PITPNA: variants seen among roughly 807,000 people sequenced by gnomAD.
The protein encoded by PITPNA is phosphatidylinositol transfer protein alpha, also known as phosphatidylinositol transfer protein alpha isoform.
In PITPNA, 13 loss-of-function variants were observed where a neutral mutation model predicts 50.3. That is an observed-to-expected ratio of 0.26 (90% CI 0.17 to 0.41). PITPNA has a LOEUF of 0.41. Ranked by LOEUF, PITPNA falls within the 10% of genes least tolerant of loss-of-function variation. The pLI, the probability that PITPNA is intolerant of heterozygous loss-of-function variation, is 1.00. For missense variants in PITPNA, 207 were observed against 333.4 expected (o/e 0.62, Z 2.95); for synonymous variants, 120 against 119.6 (o/e 1.00, Z -0.02).
At chr17:1,556,588 G>A (rs1276138689) in intron 2 of PITPNA, among the ~76,000 whole-genome samples, 1 of 152,088 alleles carries the variant, frequency 6.6e-6, no homozygotes, top group Non-Finnish European at 1.5e-5. Flanking sequence ...GTTCCATCAA[G>A]AAACTCCCTA....
At chr17:1,559,981 T>G (rs2075759737) in intron 1 of PITPNA, among the ~76,000 whole-genome samples, 2 of 152,104 alleles carry the variant, frequency 1.3e-5, no homozygotes, top group African/African-American at 4.8e-5. Context: ...AGAAGAAACT[T>G]CCTAGAAAAC....
At chr17:1,542,364 C>G (rs1362942065) in intron 5 of PITPNA, among the ~76,000 whole-genome samples, 1 of 152,208 alleles carries the variant, frequency 6.6e-6, no homozygotes, top group Non-Finnish European at 1.5e-5. Context: ...GCCCCTTTCC[C>G]TCCAACTAGC....
intron 10 of PITPNA, among the ~76,000 whole-genome samples, chr17:1,531,191 A>T (rs2075580524): frequency 6.6e-6 from 1 of 152,126 alleles, no homozygotes; most frequent in African/African-American, 2.4e-5. Context: ...CAATGAGCCC[A>T]CTGGGACCCT....
At chr17:1,553,986 T>C (rs1490022204) in intron 2 of PITPNA, among the ~76,000 whole-genome samples, 1 of 152,170 alleles carries the variant, frequency 6.6e-6, no homozygotes, top group Admixed American at 6.5e-5. Flanking sequence ...ACTTACTACA[T>C]GGCAAAAACC....
intron 3 of PITPNA, among the ~76,000 whole-genome samples, chr17:1,551,228 G>A (rs1036153292): frequency 4.6e-5 from 7 of 152,220 alleles, no homozygotes; most frequent in South Asian, 2.1e-4. Context: ...AGCTTCTCTT[G>A]TCACCATGGG....
chr17:1,527,920 G>A (rs900082266), intron 10 of PITPNA, among the ~76,000 whole-genome samples: 2 of 152,192 alleles, frequency 1.3e-5, no homozygotes, highest in South Asian at 2.1e-4. Context: ...GTTGGCCCAC[G>A]CCTACAATCC....
chr17:1,547,112 C>T (rs1331709673), intron 4 of PITPNA, among the ~76,000 whole-genome samples: 1 of 150,794 alleles, frequency 6.6e-6, no homozygotes, highest in Non-Finnish European at 1.5e-5. Flanking sequence ...GTAATGCCAG[C>T]ACTTTGGGAG....
intron 10 of PITPNA, among the ~76,000 whole-genome samples, chr17:1,529,763 G>T (rs1037380485): frequency 2.0e-5 from 3 of 151,660 alleles, no homozygotes; most frequent in African/African-American, 7.3e-5. Context: ...GCTGTGACAT[G>T]AGAATTGCTT....
At chr17:1,523,028 A>G (rs1410150715) in intron 10 of PITPNA, among the ~76,000 whole-genome samples, 2 of 152,162 alleles carry the variant, frequency 1.3e-5, no homozygotes, top group Non-Finnish European at 2.9e-5. Context: ...AACTAGGCAC[A>G]AGGATGCAGA....
intron 1 of PITPNA, among the ~76,000 whole-genome samples, chr17:1,561,809 C>CA (rs2075769639): frequency 6.6e-6 from 1 of 152,158 alleles, no homozygotes; most frequent in Non-Finnish European, 1.5e-5. Context: ...CACTTACCAC[C>CA]ACCCCTCACC....
intron 7 of PITPNA, 85 bp downstream of exon 7, chr17:1,538,784 G>A: frequency 1.3e-6 from 1 of 765,818 alleles, no homozygotes; most frequent in South Asian, 1.6e-5. Flanking sequence ...TTTGTGCCAA[G>A]TTGGGTATGG....
Position 1,562,593 on chromosome 17 carries a change from C to T in PITPNA, c.-33G>A, listed in dbSNP as rs2075774324. 7.9e-7 allele frequency: 1 copy of T among 1,261,600 alleles called. No individual in the cohort carries two copies. 78.2% of individuals were successfully genotyped at this position (1,261,600 alleles called of 1,614,324 possible). A position where few individuals can be genotyped will look rare whatever the true frequency, so the allele number is the denominator to read the frequency against. Reference sequence around the variant, plus strand: ...CGCGGCTCGGTGGCTGCCCGCGGCCCGCCCGGCCTCCCGCCCGCTGCCCGC... The same window carrying T: ...CGCGGCTCGGTGGCTGCCCGCGGCCTGCCCGGCCTCCCGCCCGCTGCCCGC... On this transcript the variant is annotated 5_prime_UTR_variant, in exon 1 of 12. Transcript: ENST00000313486. This position sits in a 1 kb window ranked among gnomAD's most constrained non-coding sequence, Gnocchi z 6.4.
chr17:1,537,554 TTCCCTCCAC>T (rs2075625382), intron 7 of PITPNA, among the ~76,000 whole-genome samples: 1 of 152,220 alleles, frequency 6.6e-6, no homozygotes, highest in Non-Finnish European at 1.5e-5. Flanking sequence ...CCATCACTGC[TTCCCTCCAC>T]TCACACAGAT....
chr17:1,527,669 T>C (rs1015939561), intron 10 of PITPNA, among the ~76,000 whole-genome samples: 2 of 152,234 alleles, frequency 1.3e-5, no homozygotes, highest in Admixed American at 1.3e-4. Context: ...TTTTTTTCTA[T>C]CTTTTGAAAA....
At chr17:1,538,778 T>C (rs2075632107) in intron 7 of PITPNA, 91 bp downstream of exon 7, 1 of 728,950 alleles carries the variant, frequency 1.4e-6, no homozygotes, top group Non-Finnish European at 2.4e-6. Flanking sequence ...TTTCCTTTTG[T>C]GCCAAGTTGG....
At chr17:1,546,989 T>A (rs2075678090) in intron 4 of PITPNA, among the ~76,000 whole-genome samples, 1 of 152,070 alleles carries the variant, frequency 6.6e-6, no homozygotes. Flanking sequence ...GCAGCTATTA[T>A]AAATTAAAAA....
intron 4 of PITPNA, 59 bp downstream of exon 4, chr17:1,548,237 G>A (rs2075688674): frequency 1.8e-6 from 2 of 1,126,698 alleles, no homozygotes; most frequent in African/African-American, 1.6e-5. Context: ...ACACGCAGGT[G>A]GGACCCACAG....
intron 10 of PITPNA, among the ~76,000 whole-genome samples, chr17:1,524,855 G>GA (rs138185873): frequency 0.15 from 22,405 of 149,498 alleles, 1,936 homozygotes; most frequent in African/African-American, 0.23. Context: ...TCTCAAAAAA[G>GA]AAAAAAAAAG....
chr17:1,521,430 T>G, intron 11 of PITPNA, 149 bp downstream of exon 11: 5 of 649,592 alleles, frequency 7.7e-6, no homozygotes, highest in Non-Finnish European at 1.1e-5. Flanking sequence ...AATCTCCTAG[T>G]GGAAGTGGAG....
Sources: allele counts gnomAD v4.1 joint callset (sites outside exome capture counted in the v4.1 genomes callset), GRCh38; gene constraint gnomAD v4.1.1; non-coding constraint Gnocchi (gnomAD v3.1); transcripts MANE v1.5; gene names NCBI Gene and HGNC (gene_info 2026-07-23, HGNC 2026-07-21).